Variants in FGD6 observed in about 807,000 individuals in gnomAD.
The protein encoded by FGD6 is FYVE, RhoGEF and PH domain-containing protein 6.
A neutral mutation model predicts 149.4 loss-of-function variants in FGD6; 90 were observed. The ratio of observed to expected loss-of-function variants is 0.60; its 90% CI spans 0.51 to 0.72. The LOEUF is 0.72. FGD6 is among the 30% of genes least tolerant of loss of function. The pLI is 0.00. For synonymous variants in FGD6, 527 were observed against 584.0 expected, an observed-to-expected ratio of 0.90 and a Z score of 1.41; for missense variants, 1,437 against 1,684.8, an observed-to-expected ratio of 0.85 and a Z score of 2.57.
intron 5 of FGD6, among the ~76,000 whole-genome samples, chr12:95,142,042 G>A (rs1879863095): frequency 6.6e-6 from 1 of 152,068 alleles, no homozygotes; most frequent in Admixed American, 6.6e-5. Context: ...GTCTCCCTCT[G>A]TCATCCAGGA....
intron 8 of FGD6, among the ~76,000 whole-genome samples, chr12:95,123,692 G>A (rs933433212): frequency 1.3e-5 from 2 of 151,456 alleles, no homozygotes; most frequent in Admixed American, 1.3e-4. Context: ...CTCCCAAGTA[G>A]CTGGGACTAC....
intron 2 of FGD6, among the ~76,000 whole-genome samples, chr12:95,186,228 C>CTTTTTTTTTTTTTTTTTTTT (rs1174763781): frequency 5.1e-5 from 2 of 38,938 alleles, no homozygotes; most frequent in Non-Finnish European, 9.9e-5. Context: ...TATTCTTCTT[C>CTTTTTTTTTTTTTTTTTTTT]TTTTTTTTTT....
chr12:95,116,965 C>T, intron 8 of FGD6: 1 of 455,318 alleles, frequency 2.2e-6, no homozygotes, highest in East Asian at 7.0e-5. Context: ...AGTAGCTGCC[C>T]CAGTAACTGT....
At position 95,077,489 on chromosome 12, in the gene FGD6, G is replaced by C. The variant is rs962526410; in HGVS notation, c.*4031C>G. ...GTGTGAACAAAGAAAGGTTGGGTAA[G>C]AGTTAGCTGGAATGTATGGCAACTG... On this transcript the variant is annotated 3_prime_UTR_variant, in exon 21 of 21. Transcript: ENST00000343958. 1 of 152,302 alleles carries C rather than the reference G, an allele frequency of 6.6e-6. No individual in the cohort carries two copies. Among genetic ancestry groups the C allele is most frequent in the Non-Finnish European group, 1.5e-5 (1 of 68,104 alleles). The allele number at this position is 152,302 out of a possible 1,614,324, so 9.4% of individuals were successfully genotyped here. A position where few individuals can be genotyped will look rare whatever the true frequency, so the allele number is the denominator to read the frequency against.
chr12:95,100,565 G>GT (rs35123698), intron 14 of FGD6: 293,249 of 400,950 alleles, frequency 0.73, 107,892 homozygotes, highest in African/African-American at 0.78. Context: ...ACTGTTGGCT[G>GT]TATCTGTTCC....
chr12:95,113,999 G>A (rs1488564827), intron 8 of FGD6, among the ~76,000 whole-genome samples: 1 of 152,202 alleles, frequency 6.6e-6, no homozygotes, highest in Non-Finnish European at 1.5e-5. Context: ...GAGCCAGCAT[G>A]AGAATTCAGG....
rs890980000 is a variant in FGD6, at chr12:95,078,391, T to C, written c.*3129A>G. ...TACCAACATATGCTGTGATATAACA[T>C]TTACATTTTAACTAAATTACCAAAT... is the stretch of plus-strand genomic sequence containing the variant. On this transcript the variant is annotated 3_prime_UTR_variant, in exon 21 of 21. Coordinates refer to ENST00000343958, the MANE Select transcript of FGD6 (RefSeq NM_018351.4). The C allele has an allele frequency of 1.3e-5, 2 of 152,186 alleles. No homozygotes were observed. Among genetic ancestry groups the C allele is most frequent in the Non-Finnish European group, 2.9e-5 (2 of 68,036 alleles). The allele number at this position is 152,186 out of a possible 1,614,324, so 9.4% of individuals were successfully genotyped here.
chr12:95,151,015 C>T (rs1307164957), intron 5 of FGD6, among the ~76,000 whole-genome samples: 3 of 151,738 alleles, frequency 2.0e-5, no homozygotes, highest in Non-Finnish European at 4.4e-5. Context: ...ATCGCTTGAG[C>T]CCAGGAGGTA....
At chr12:95,194,709 G>C (rs376875957) in intron 2 of FGD6, among the ~76,000 whole-genome samples, 3 of 152,142 alleles carry the variant, frequency 2.0e-5, no homozygotes, top group East Asian at 1.9e-4. Flanking sequence ...AAATTATATA[G>C]AATTAAATAC....
At chr12:95,160,739 T>TA (rs1880614412) in intron 3 of FGD6, among the ~76,000 whole-genome samples, 1 of 152,058 alleles carries the variant, frequency 6.6e-6, no homozygotes, top group Non-Finnish European at 1.5e-5. Context: ...TCTTTTCCTT[T>TA]AAAAAACCCA....
chr12:95,103,661 A>G (rs1439965950), intron 14 of FGD6, among the ~76,000 whole-genome samples: 3 of 152,070 alleles, frequency 2.0e-5, no homozygotes, highest in Non-Finnish European at 4.4e-5. Flanking sequence ...CAGCCTCCCA[A>G]GTAGCTGGGA....
chr12:95,181,185 G>C (rs1182605954), intron 2 of FGD6, among the ~76,000 whole-genome samples: 9 of 152,140 alleles, frequency 5.9e-5, no homozygotes, highest in Non-Finnish European at 1.3e-4. Context: ...AGTCAGTAGA[G>C]GGATGTTCAA....
In FGD6 at chr12:95,177,908, A is replaced by AATTTATTTATTTATTTATTTATTTATTT. The variant is rs71078616; in HGVS notation, c.2442-5192_2442-5165dup. Among the ~76,000 whole-genome samples, 11 of 142,384 alleles carry AATTTATTTATTTATTTATTTATTTATTT rather than the reference A, an allele frequency of 7.7e-5. No homozygotes were observed. In the East Asian group the frequency reaches 8.4e-4, roughly 11 times the overall value. 93.4% of individuals were successfully genotyped at this position (142,384 alleles called of 152,430 possible). ...ATGAATCAAATCAATTTTAAACAACAATTTATTTATTTATTTATTTATTTA... is the reference window on the plus strand; with the variant it reads ...ATGAATCAAATCAATTTTAAACAACAATTTATTTATTTATTTATTTATTTATTTATTTATTTATTTATTTATTTATTTA... On this transcript the variant is annotated intron_variant, in intron 2 of 20. Transcript: ENST00000343958.
intron 8 of FGD6, chr12:95,125,784 G>A (rs1879319837): frequency 1.3e-6 from 1 of 742,612 alleles, no homozygotes; most frequent in South Asian, 1.4e-5. Context: ...CTTCATGGAG[G>A]TTGGCTGGGC....
intron 2 of FGD6, among the ~76,000 whole-genome samples, chr12:95,193,669 C>T (rs528620313): frequency 6.6e-6 from 1 of 152,002 alleles, no homozygotes; most frequent in East Asian, 1.9e-4. Flanking sequence ...GCTGGGACTA[C>T]AAGCATGCAC....
At chr12:95,117,028 G>C (rs1217213398) in intron 8 of FGD6, 2 of 407,646 alleles carry the variant, frequency 4.9e-6, no homozygotes, top group Non-Finnish European at 9.7e-6. Flanking sequence ...GCCTATATTG[G>C]TCATAGTGAA....
chr12:95,129,878 C>G (rs7959849), intron 8 of FGD6, among the ~76,000 whole-genome samples: 1 of 151,828 alleles, frequency 6.6e-6, no homozygotes, highest in Non-Finnish European at 1.5e-5. Context: ...TTCACCATGT[C>G]GGCCAGGCTG....
chr12:95,177,820 A>G (rs575734438), intron 2 of FGD6, among the ~76,000 whole-genome samples: 17 of 152,328 alleles, frequency 1.1e-4, no homozygotes, highest in African/African-American at 3.8e-4. Flanking sequence ...TTACCAGGAA[A>G]CATTTCCTTC....
In FGD6 at chr12:95,079,940, T is replaced by C. The variant is rs1468038831; in HGVS notation, c.*1580A>G. 2 of 142,188 alleles carry C rather than the reference T, an allele frequency of 1.4e-5. No individual in the cohort carries two copies. The highest frequency in any genetic ancestry group is 7.6e-5 in the Admixed American group (1 of 13,186). The allele number at this position is 142,188 out of a possible 1,614,324, so 8.8% of individuals were successfully genotyped here. On this transcript the variant is annotated 3_prime_UTR_variant, in exon 21 of 21. Transcript: ENST00000343958. ...AGAAATATTATATGGATAACCTTGC[T>C]GTTCAATTTTTTTTTTTTTTTTTTT...
Sources: allele counts gnomAD v4.1 joint callset (sites outside exome capture counted in the v4.1 genomes callset), GRCh38; gene constraint gnomAD v4.1.1; transcripts MANE v1.5; gene names NCBI Gene and HGNC (gene_info 2026-07-23, HGNC 2026-07-21).